NAALADL2: variants seen among roughly 807,000 people sequenced by gnomAD.
NAALADL2 encodes the protein N-acetylated alpha-linked acidic dipeptidase like 2.
A neutral mutation model predicts 87.2 loss-of-function variants in NAALADL2; 76 were observed. The observed-to-expected ratio is 0.87, with a 90% CI of 0.72 to 1.05. The LOEUF is 1.05. NAALADL2 is among the 50% of genes least tolerant of loss of function. NAALADL2 has a pLI of 0.00. For missense variants in NAALADL2, 1,089 were observed against 945.8 expected, an observed-to-expected ratio of 1.15 and a Z score of -1.99; for synonymous variants, 354 against 331.0, an observed-to-expected ratio of 1.07 and a Z score of -0.75.
chr3:174,782,277 C>T (rs748131602), intron 3 of NAALADL2, among the ~76,000 whole-genome samples: 9 of 151,986 alleles, frequency 5.9e-5, no homozygotes, highest in East Asian at 3.9e-4. Flanking sequence ...TTCAAATAGA[C>T]GATAGAGAAG....
At chr3:174,590,670 T>C (rs141957794) in intron 2 of NAALADL2, among the ~76,000 whole-genome samples, 15 of 152,270 alleles carry the variant, frequency 9.9e-5, no homozygotes, top group African/African-American at 3.4e-4. Flanking sequence ...GTGCAGATTT[T>C]AACTCCACTA....
intron 5 of NAALADL2, among the ~76,000 whole-genome samples, chr3:175,384,449 G>A (rs1424435246): frequency 1.3e-5 from 2 of 151,884 alleles, no homozygotes; most frequent in African/African-American, 2.4e-5. Context: ...GAATTGTCTT[G>A]ACAAATAATA....
chr3:174,847,057 T>C (rs780735211), intron 3 of NAALADL2, among the ~76,000 whole-genome samples: 5 of 152,234 alleles, frequency 3.3e-5, no homozygotes, highest in African/African-American at 1.2e-4. Flanking sequence ...GAAACAAAGA[T>C]AAATTCTAAG....
intron 2 of NAALADL2, among the ~76,000 whole-genome samples, chr3:174,677,050 T>C (rs184441667): frequency 6.8e-4 from 104 of 152,032 alleles, no homozygotes; most frequent in Non-Finnish European, 1.2e-3. Flanking sequence ...TTTAATAATA[T>C]CCTGAATACT....
At chr3:175,191,101 C>T (rs1260282568) in intron 2 of NAALADL2, among the ~76,000 whole-genome samples, 1 of 151,808 alleles carries the variant, frequency 6.6e-6, no homozygotes, top group Non-Finnish European at 1.5e-5. Flanking sequence ...GGAATTTTTG[C>T]TATATGAGAA....
intron 10 of NAALADL2, among the ~76,000 whole-genome samples, chr3:175,612,053 C>T (rs62284511): frequency 2.6e-5 from 4 of 152,148 alleles, no homozygotes; most frequent in Admixed American, 2.6e-4. Flanking sequence ...GAAATTAAAT[C>T]TATCTGTACT....
intron 3 of NAALADL2, among the ~76,000 whole-genome samples, chr3:174,745,299 A>C (rs1456264551): frequency 2.0e-5 from 3 of 152,212 alleles, no homozygotes; most frequent in African/African-American, 7.2e-5. Flanking sequence ...CAACCATCAC[A>C]GAATACTATA....
intron 5 of NAALADL2, among the ~76,000 whole-genome samples, chr3:175,332,077 G>A (rs1364753463): frequency 1.3e-5 from 2 of 152,078 alleles, no homozygotes; most frequent in East Asian, 3.9e-4. Context: ...ATAAACTGAA[G>A]AGGACACAAA....
intron 3 of NAALADL2, among the ~76,000 whole-genome samples, chr3:175,249,196 CTT>C (rs929796306): frequency 6.6e-6 from 1 of 151,956 alleles, no homozygotes; most frequent in Admixed American, 6.6e-5. Context: ...AAGGTAGACA[CTT>C]TTTGTTTCTT....
chr3:174,588,415 G>T (rs2084369), intron 2 of NAALADL2, among the ~76,000 whole-genome samples: 23,466 of 152,098 alleles, frequency 0.15, 1,937 homozygotes, highest in Non-Finnish European at 0.18. Context: ...TTCCGTTGCT[G>T]GTGAGGAGCT....
At chr3:175,722,676 T>C (rs1742394665) in intron 11 of NAALADL2, among the ~76,000 whole-genome samples, 1 of 152,174 alleles carries the variant, frequency 6.6e-6, no homozygotes, top group Non-Finnish European at 1.5e-5. Context: ...CTTCATAGCC[T>C]GGCCTCAATC....
At chr3:175,559,346 C>G (rs186434982) in intron 9 of NAALADL2, among the ~76,000 whole-genome samples, 6 of 151,290 alleles carry the variant, frequency 4.0e-5, no homozygotes, top group Admixed American at 4.0e-4. Flanking sequence ...TTGCTGGAGT[C>G]TTTAGGTTTT....
intron 2 of NAALADL2, among the ~76,000 whole-genome samples, chr3:174,734,616 G>A (rs868822670): frequency 7.2e-5 from 11 of 151,960 alleles, no homozygotes; most frequent in South Asian, 2.1e-4. Flanking sequence ...ACCAACATCC[G>A]GTCCATAACA....
At chr3:174,844,165 A>G (rs1186765657) in intron 3 of NAALADL2, among the ~76,000 whole-genome samples, 1 of 152,158 alleles carries the variant, frequency 6.6e-6, no homozygotes, top group African/African-American at 2.4e-5. Flanking sequence ...ACATGTATGT[A>G]TGTAAACTAT....
At chr3:174,747,621 C>CAAAAAAAA (rs150843588) in intron 3 of NAALADL2, among the ~76,000 whole-genome samples, 15 of 38,626 alleles carry the variant, frequency 3.9e-4, no homozygotes, top group Admixed American at 1.2e-3. Flanking sequence ...GACCCCATCT[C>CAAAAAAAA]AAAAAAAAAA....
intron 5 of NAALADL2, among the ~76,000 whole-genome samples, chr3:175,370,394 AC>A (rs1358850627): frequency 1.2e-4 from 18 of 152,054 alleles, no homozygotes; most frequent in African/African-American, 4.3e-4. Flanking sequence ...GAACCATAAA[AC>A]CCCATATAAA....
intron 2 of NAALADL2, among the ~76,000 whole-genome samples, chr3:175,170,168 T>C (rs1327001854): frequency 6.6e-6 from 1 of 151,782 alleles, no homozygotes; most frequent in East Asian, 1.9e-4. Context: ...CTTTTCCTCT[T>C]GAACCAGAAA....
At chr3:175,256,354 T>G in intron 3 of NAALADL2, 57 bp from the exon 4 acceptor site, 1 of 1,505,298 alleles carries the variant, frequency 6.6e-7, no homozygotes, top group Non-Finnish European at 9.0e-7. Context: ...AAATGGACAA[T>G]TGGCTATACT....
intron 5 of NAALADL2, among the ~76,000 whole-genome samples, chr3:175,347,264 C>G (rs937263674): frequency 6.6e-5 from 10 of 152,182 alleles, no homozygotes; most frequent in Non-Finnish European, 1.3e-4. Context: ...TGTCTAATCT[C>G]TTTCCAATTG....
Sources: allele counts gnomAD v4.1 joint callset (sites outside exome capture counted in the v4.1 genomes callset), GRCh38; gene constraint gnomAD v4.1.1; transcripts MANE v1.5; gene names NCBI Gene and HGNC (gene_info 2026-07-23, HGNC 2026-07-21).